The following OSBPL3 variants were observed in gnomAD, a reference collection of about 807,000 sequenced individuals.
The protein encoded by OSBPL3 is oxysterol-binding protein-related protein 3.
In OSBPL3, 65 loss-of-function variants were observed where a neutral mutation model predicts 120.1. The ratio of observed to expected loss-of-function variants is 0.54; its 90% CI spans 0.44 to 0.67. The LOEUF is 0.67. OSBPL3 is among the 30% of genes least tolerant of loss of function. The pLI is 0.00. For missense variants in OSBPL3, 1,004 were observed against 1,082.1 expected (o/e 0.93, Z 1.01); for synonymous variants, 416 against 402.6 (o/e 1.03, Z -0.40).
rs1376088172 is a variant in OSBPL3 at position 24,819,531 on chromosome 7, A to C, written c.1948+644T>G. 1.3e-5 allele frequency among the ~76,000 whole-genome samples: 2 copies of C among 152,172 alleles called. No homozygotes were observed. The highest frequency in any genetic ancestry group is 2.9e-5 in the Non-Finnish European group (2 of 68,036). The stretch of plus-strand genomic sequence containing the variant: ...TACTGTTTCGTACTTTTAAAGTTTA[A>C]TAGACTGCGTGTGTGTGTGTGCCTG... On this transcript the variant is annotated intron_variant, in intron 17 of 22. Coordinates refer to ENST00000313367, the MANE Select transcript of OSBPL3 (RefSeq NM_015550.4). The surrounding 1 kb of genome is among the most constrained non-coding windows in gnomAD (Gnocchi z 4.1).
At chr7:24,832,344 T>C (rs1796480284) in intron 15 of OSBPL3, among the ~76,000 whole-genome samples, 1 of 150,280 alleles carries the variant, frequency 6.7e-6, no homozygotes, top group Non-Finnish European at 1.5e-5. Flanking sequence ...ACCCCATCTC[T>C]ACTAAAAATA....
intron 1 of OSBPL3, among the ~76,000 whole-genome samples, chr7:24,929,462 C>A (rs6461830): frequency 0.13 from 19,796 of 152,110 alleles, 1,594 homozygotes; most frequent in African/African-American, 0.21. Context: ...AAATGAACAT[C>A]AATAAGTTTT....
In OSBPL3 at chr7:24,968,307, A is replaced by C. The variant is rs560625625; in HGVS notation, c.-150+11579T>G. On this transcript the variant is annotated intron_variant, in intron 1 of 22. Coordinates refer to ENST00000313367, the MANE Select transcript of OSBPL3 (RefSeq NM_015550.4). This position sits in a 1 kb window ranked among gnomAD's most constrained non-coding sequence, Gnocchi z 4.6. ...AAATACTCCCACTGTGGCTGGCTTC[A>C]AACTACCAACATGAAGTAATCAGCC... 3.2e-4 allele frequency among the ~76,000 whole-genome samples: 48 copies of C among 152,368 alleles called. No individual in the cohort carries two copies. The highest frequency in any genetic ancestry group is 1.1e-3 in the African/African-American group (44 of 41,590).
intron 1 of OSBPL3, 27 bp from the exon 2 acceptor site, chr7:24,892,648 T>A (rs1805542387): frequency 4.5e-6 from 6 of 1,326,946 alleles, no homozygotes; most frequent in Middle Eastern, 2.8e-4. Flanking sequence ...AGAAAGAAGG[T>A]CAGAGGCATC....
Position 24,806,852 on chromosome 7 carries a change from G to C in OSBPL3, c.2368C>G (p.Leu790Val). 6.2e-7 allele frequency: 1 copy of C among 1,613,832 alleles called. No homozygotes were observed. The highest frequency in any genetic ancestry group is 8.5e-7 in the Non-Finnish European group (1 of 1,179,750). ...EQYYSFTQFA[L>V]ELNEMDPSSK... ...GATGGATCCATTTCATTTAATTCCA[G>C]CGCAAACTGTGTGAAGCTATAGTAT... Residue 790 changes from leucine to valine, a missense_variant, in exon 21 of 23, where the codon CTG becomes GTG. Around this residue, in one of 4 missense-constraint regions of OSBPL3, gnomAD observed 473 missense variants for 568.0 expected, o/e 0.83. Transcript: ENST00000313367. This position sits in a 1 kb window ranked among gnomAD's most constrained non-coding sequence, Gnocchi z 5.2.
In OSBPL3 at chr7:24,852,989, GA is replaced by G. The variant is rs1352760222; in HGVS notation, c.1028-356del. Among the ~76,000 whole-genome samples the G allele has an allele frequency of 3.9e-5, 6 of 152,160 alleles. No homozygotes were observed. Among genetic ancestry groups the G allele is most frequent in the Admixed American group, 6.5e-5 (1 of 15,274 alleles). ...TTTTGCTATGGACCTAAAACTGCTA[GA>G]AAAAATTAAGTCTATTAAAATTAAC... On this transcript the variant is annotated intron_variant, in intron 10 of 22. Transcript: ENST00000313367. The surrounding 1 kb of genome is among the most constrained non-coding windows in gnomAD (Gnocchi z 4.1).
chr7:24,949,010 T>C (rs1313057277), intron 1 of OSBPL3, among the ~76,000 whole-genome samples: 1 of 152,212 alleles, frequency 6.6e-6, no homozygotes, highest in Non-Finnish European at 1.5e-5. Context: ...TCTAGACTTC[T>C]ACTTCTTTAT....
Position 24,800,060 on chromosome 7 carries a change from A to G in OSBPL3, c.*123T>C. On this transcript the variant is annotated 3_prime_UTR_variant, in exon 23 of 23. Transcript: ENST00000313367. ...GAAAATATAGACTTAAAGAGTTACA[A>G]TGCTAAGCTAAGCACAAGTGATCAT... The G allele has an allele frequency of 1.8e-6, 1 of 563,406 alleles. No individual in the cohort carries two copies. Among genetic ancestry groups the G allele is most frequent in the Non-Finnish European group, 3.2e-6 (1 of 311,940 alleles). The allele number at this position is 563,406 out of a possible 1,614,324, so 34.9% of individuals were successfully genotyped here.
rs190936029 is a variant in OSBPL3, at chr7:24,892,796, T to C, written c.-149-175A>G. Reference sequence around the variant, plus strand: ...CACCATTCTCTTACAGGGAATTTTGTATAGGTGGTTTTTCATGTAGCTTTG... The same window carrying C: ...CACCATTCTCTTACAGGGAATTTTGCATAGGTGGTTTTTCATGTAGCTTTG... On this transcript the variant is annotated intron_variant, in intron 1 of 22. Transcript: ENST00000313367. Among the ~76,000 whole-genome samples, 380 of 152,336 alleles carry C rather than the reference T, an allele frequency of 2.5e-3. 2 individuals carry two copies. Among genetic ancestry groups the C allele is most frequent in the African/African-American group, 8.3e-3 (347 of 41,586 alleles).
intron 1 of OSBPL3, among the ~76,000 whole-genome samples, chr7:24,945,924 T>C (rs532986803): frequency 1.3e-5 from 2 of 152,356 alleles, no homozygotes; most frequent in African/African-American, 2.4e-5. Flanking sequence ...CCCCAAAACA[T>C]AGCAGCTATT....
At position 24,965,267 on chromosome 7, in the gene OSBPL3, A is replaced by G. The variant is rs924055592; in HGVS notation, c.-150+14619T>C. On this transcript the variant is annotated intron_variant, in intron 1 of 22. Transcript: ENST00000313367. This position sits in a 1 kb window ranked among gnomAD's most constrained non-coding sequence, Gnocchi z 4.3. Reference sequence around the variant, plus strand: ...AATGTAGAAGGAGCAATAAATCTACAGTAAGAAAATCTAGATATAAGTATG... The same window carrying G: ...AATGTAGAAGGAGCAATAAATCTACGGTAAGAAAATCTAGATATAAGTATG... Among the ~76,000 whole-genome samples the G allele has an allele frequency of 1.3e-5, 2 of 152,246 alleles. No individual in the cohort carries two copies. Among genetic ancestry groups the G allele is most frequent in the African/African-American group, 2.4e-5 (1 of 41,460 alleles).
chr7:24,923,735 G>A (rs1011337559), intron 1 of OSBPL3, among the ~76,000 whole-genome samples: 9 of 152,172 alleles, frequency 5.9e-5, no homozygotes, highest in Non-Finnish European at 1.3e-4. Flanking sequence ...GAGCTGCAGT[G>A]GGGCAGGCGG....
At position 24,980,128 on chromosome 7, in the gene OSBPL3, C is replaced by A. The variant is rs1219769314; in HGVS notation, c.-392G>T. On this transcript the variant is annotated 5_prime_UTR_variant, in exon 1 of 23. Coordinates refer to ENST00000313367, the MANE Select transcript of OSBPL3 (RefSeq NM_015550.4). ...AAGTCCCCTCTCCCGGGCCGGCTGGCGGGCGCCACCAGCACGCGGCCAGTT... is the reference window on the plus strand; with the variant it reads ...AAGTCCCCTCTCCCGGGCCGGCTGGAGGGCGCCACCAGCACGCGGCCAGTT... The A allele has an allele frequency of 3.7e-6, 3 of 821,664 alleles. No individual in the cohort carries two copies. The highest frequency in any genetic ancestry group is 4.4e-6 in the Non-Finnish European group (3 of 680,446). 50.9% of individuals were successfully genotyped at this position (821,664 alleles called of 1,614,324 possible). A position where few individuals can be genotyped will look rare whatever the true frequency, so the allele number is the denominator to read the frequency against.
At chr7:24,910,999 GAC>G (rs1562917638) in intron 1 of OSBPL3, among the ~76,000 whole-genome samples, 1 of 152,230 alleles carries the variant, frequency 6.6e-6, no homozygotes, top group Non-Finnish European at 1.5e-5. Context: ...GGCATCCTGA[GAC>G]ACTCCCAGGT....
At chr7:24,981,774 C>G (rs1472945107), upstream of OSBPL3, 3 of 152,238 alleles carry the variant, frequency 2.0e-5, no homozygotes, top group Non-Finnish European at 2.9e-5. This position sits in a 1 kb window ranked among gnomAD's most constrained non-coding sequence, Gnocchi z 7.3. Flanking sequence ...CGAATGACTC[C>G]GCGGTTCCTA....
chr7:24,934,242 C>G (rs1019035172), intron 1 of OSBPL3, among the ~76,000 whole-genome samples: 11 of 152,134 alleles, frequency 7.2e-5, no homozygotes, highest in African/African-American at 2.4e-4. Context: ...AAGTGTAAGC[C>G]TGCTTTGCTG....
intron 1 of OSBPL3, among the ~76,000 whole-genome samples, chr7:24,903,883 ATT>A (rs5882953): frequency 2.2e-5 from 3 of 138,898 alleles, no homozygotes. Context: ...CTCACCACCA[ATT>A]TTTTTTTTTT....
Position 24,863,455 on chromosome 7 carries a change from G to A in OSBPL3, c.777+41C>T. On this transcript the variant is annotated intron_variant, in intron 8 of 22. Coordinates refer to ENST00000313367, the MANE Select transcript of OSBPL3 (RefSeq NM_015550.4). This position sits in a 1 kb window ranked among gnomAD's most constrained non-coding sequence, Gnocchi z 5.8. Reference sequence around the variant, plus strand: ...AAGGCTGGGAGGAGAAAGGAAAGCAGAAGAGGGCCAGAATGTCAACAGAAG... The same window carrying A: ...AAGGCTGGGAGGAGAAAGGAAAGCAAAAGAGGGCCAGAATGTCAACAGAAG... 6.6e-7 allele frequency: 1 copy of A among 1,520,492 alleles called. No homozygotes were observed. 94.2% of individuals were successfully genotyped at this position (1,520,492 alleles called of 1,614,324 possible).
rs1815495937 is a variant in OSBPL3 at position 24,959,681 on chromosome 7, AC to A, written c.-150+20204del. Among the ~76,000 whole-genome samples the A allele has an allele frequency of 1.3e-5, 2 of 152,228 alleles. No homozygotes were observed. Among genetic ancestry groups the A allele is most frequent in the Admixed American group, 1.3e-4 (2 of 15,288 alleles). On this transcript the variant is annotated intron_variant, in intron 1 of 22. Coordinates refer to ENST00000313367, the MANE Select transcript of OSBPL3 (RefSeq NM_015550.4). The surrounding 1 kb of genome is among the most constrained non-coding windows in gnomAD (Gnocchi z 4.3). ...GTATACTTTTCTGCAGGCATATTAT[AC>A]TTTAACAAAAATGTTCCTAAAATAA...
Sources: gnomAD v4.1 joint callset for allele counts (sites outside exome capture counted in the v4.1 genomes callset) on GRCh38, gnomAD v4.1.1 for gene constraint, gnomAD v4.1.1 regional missense constraint, Gnocchi (gnomAD v3.1) non-coding constraint, MANE v1.5 for transcripts, NCBI Gene and HGNC (gene_info 2026-07-23, HGNC 2026-07-21) for gene names.